PADI2: variants seen among roughly 807,000 people sequenced by gnomAD.
The protein encoded by PADI2 is peptidyl arginine deiminase 2, also known as protein-arginine deiminase type-2.
A neutral mutation model predicts 81.1 loss-of-function variants in PADI2; 70 were observed. That is an observed-to-expected ratio of 0.86 (90% CI 0.71 to 1.05). The LOEUF is 1.05. PADI2 is among the 50% of genes least tolerant of loss of function. The pLI, the probability that PADI2 is intolerant of heterozygous loss-of-function variation, is 0.00. For synonymous variants in PADI2, 338 were observed against 358.0 expected (o/e 0.94, Z 0.63); for missense variants, 853 against 889.9 (o/e 0.96, Z 0.53).
chr1:17,092,486 G>C lies in PADI2; in HGVS notation c.577C>G (p.Arg193Gly), dbSNP rs1225615418. 1.2e-6 allele frequency: 2 copies of C among 1,602,714 alleles called. No individual in the cohort carries two copies. The highest frequency in any genetic ancestry group is 1.7e-5 in the Admixed American group (1 of 58,570). The stretch of plus-strand genomic sequence containing the variant: ...ACTATCTCGTATCCGGCGGGGAGGC[G>C]GTCGGGGCCTTTGGTCCGCAGGATC... ...QMILRTKGPD[R>G]LPAGYEIVLY... is the part of the protein sequence containing the mutation. Residue 193 changes from arginine (R) to glycine (G), a missense_variant, in exon 6 of 16, where the codon CGC becomes GGC. Arg to Gly is a moderately radical substitution (Grantham distance 125). Coordinates refer to ENST00000375486, the MANE Select transcript of PADI2 (RefSeq NM_007365.3).
rs997960520 is a variant in PADI2, at chr1:17,092,618, A to G, written c.530-85T>C. On this transcript the variant is annotated intron_variant, in intron 5 of 15. Coordinates refer to ENST00000375486, the MANE Select transcript of PADI2 (RefSeq NM_007365.3). ...ATGCCTTTTACTTTGATAATCAGGA[A>G]AAAATCCCCATGGATGTGTATTATG... 1.0e-5 allele frequency: 13 copies of G among 1,267,078 alleles called. No homozygotes were observed. In the African/African-American group the frequency reaches 2.0e-4, roughly 19 times the overall value. The allele number at this position is 1,267,078 out of a possible 1,614,324, so 78.5% of individuals were successfully genotyped here.
At chr1:17,093,814 C>T in intron 4 of PADI2, 130 bp from the exon 5 acceptor site, 1 of 589,576 alleles carries the variant, frequency 1.7e-6, no homozygotes, top group Non-Finnish European at 3.1e-6. Context: ...TGTGACCTGG[C>T]AAATGTGAAT....
At chr1:17,103,418 C>T (rs1057167728) in intron 2 of PADI2, among the ~76,000 whole-genome samples, 8 of 152,176 alleles carry the variant, frequency 5.3e-5, no homozygotes, top group Non-Finnish European at 8.8e-5. Flanking sequence ...ATGTTCAATG[C>T]CATCACTGTG....
chr1:17,077,365 C>CT (rs1280437930), intron 11 of PADI2, among the ~76,000 whole-genome samples: 6 of 152,212 alleles, frequency 3.9e-5, no homozygotes, highest in Non-Finnish European at 8.8e-5. Flanking sequence ...CTGGTCACCG[C>CT]TGTATCCCCA....
chr1:17,104,438 T>C (rs1454475422), intron 2 of PADI2, among the ~76,000 whole-genome samples: 4 of 77,806 alleles, frequency 5.1e-5, no homozygotes, highest in African/African-American at 2.0e-4. Context: ...TTTCTTTTTT[T>C]TTTTTTTTTT....
intron 6 of PADI2, among the ~76,000 whole-genome samples, chr1:17,089,541 G>A (rs1930601361): frequency 6.6e-6 from 1 of 152,180 alleles, no homozygotes; most frequent in South Asian, 2.1e-4. Context: ...GCAGGTGGAG[G>A]ACACGTTCTA....
chr1:17,089,629 C>T (rs139019575), intron 6 of PADI2, among the ~76,000 whole-genome samples: 78 of 152,252 alleles, frequency 5.1e-4, no homozygotes, highest in African/African-American at 1.9e-3. Flanking sequence ...TTCTGGGCTG[C>T]TTTCTGACAG....
intron 10 of PADI2, among the ~76,000 whole-genome samples, chr1:17,081,329 A>G (rs546520785): frequency 8.5e-5 from 13 of 152,342 alleles, no homozygotes; most frequent in Admixed American, 7.2e-4. Context: ...TGTGAGACTG[A>G]TATCATTTCT....
intron 11 of PADI2, among the ~76,000 whole-genome samples, chr1:17,076,068 C>G (rs1264811311): frequency 6.6e-6 from 1 of 152,128 alleles, no homozygotes; most frequent in African/African-American, 2.4e-5. Flanking sequence ...AGGCTTCAGC[C>G]CTTGAGGGTG....
chr1:17,103,183 C>T, intron 2 of PADI2, 124 bp from the exon 3 acceptor site: 1 of 698,296 alleles, frequency 1.4e-6, no homozygotes. Flanking sequence ...CTCCAAACAT[C>T]AGAACCCTCT....
At chr1:17,111,082 C>CTTT (rs779445292) in intron 1 of PADI2, among the ~76,000 whole-genome samples, 6,282 of 93,788 alleles carry the variant, frequency 0.067, 194 homozygotes, top group Non-Finnish European at 0.09. Flanking sequence ...AAAGACAGAC[C>CTTT]TTTTTTTTTT....
At chr1:17,111,055 T>C (rs1931562373) in intron 1 of PADI2, among the ~76,000 whole-genome samples, 2 of 151,230 alleles carry the variant, frequency 1.3e-5, no homozygotes, top group African/African-American at 2.4e-5. Flanking sequence ...AGCAAACACA[T>C]TCCCTGGGCC....
At chr1:17,093,489 C>G (rs1415321475) in intron 5 of PADI2, 78 bp downstream of exon 5, 5 of 954,580 alleles carry the variant, frequency 5.2e-6, no homozygotes, top group Non-Finnish European at 8.3e-6. Context: ...CCTGCCTCAC[C>G]CTCAGCCCAG....
At chr1:17,069,451 C>A (rs1004196171) in intron 15 of PADI2, among the ~76,000 whole-genome samples, 174 bp from the exon 16 acceptor site, 1 of 152,206 alleles carries the variant, frequency 6.6e-6, no homozygotes, top group Non-Finnish European at 1.5e-5. Context: ...AGTGGAAAAC[C>A]AGGCAATCTG....
chr1:17,087,907 T>G (rs971920132), intron 6 of PADI2, among the ~76,000 whole-genome samples: 10 of 152,202 alleles, frequency 6.6e-5, no homozygotes, highest in African/African-American at 2.4e-4. Flanking sequence ...AACAAATGTC[T>G]ACTGAACGAA....
intron 14 of PADI2, among the ~76,000 whole-genome samples, chr1:17,070,843 G>A (rs969402959): frequency 6.6e-6 from 1 of 152,082 alleles, no homozygotes; most frequent in African/African-American, 2.4e-5. Flanking sequence ...TGTATTTTTG[G>A]TAGAGATGGG....
chr1:17,085,591 C>T (rs1050032181), intron 7 of PADI2, among the ~76,000 whole-genome samples: 1 of 152,204 alleles, frequency 6.6e-6, no homozygotes, highest in East Asian at 1.9e-4. Context: ...AACTTTTGGA[C>T]GTTCTGTCTT....
At chr1:17,075,033 T>TG in intron 12 of PADI2, 84 bp from the exon 13 acceptor site, 1 of 769,466 alleles carries the variant, frequency 1.3e-6, no homozygotes, top group East Asian at 2.8e-5. Context: ...GAGGACCCAG[T>TG]GCCTTGCCTG....
At chr1:17,075,890 T>C in intron 11 of PADI2, 67 bp from the exon 12 acceptor site, 4 of 1,518,116 alleles carry the variant, frequency 2.6e-6, no homozygotes, top group Middle Eastern at 1.7e-4. Flanking sequence ...CAAGAGGAGT[T>C]TGGTCTCTGG....
Sources: gnomAD v4.1 joint callset for allele counts (sites outside exome capture counted in the v4.1 genomes callset) on GRCh38, gnomAD v4.1.1 for gene constraint, MANE v1.5 for transcripts, NCBI Gene and HGNC (gene_info 2026-07-23, HGNC 2026-07-21) for gene names.